Variants in LRP1B observed in about 807,000 individuals in gnomAD.
LRP1B encodes the protein LDL receptor related protein 1B, also known as low-density lipoprotein receptor-related protein 1B.
Under a neutral mutation model 556.6 loss-of-function variants are expected in LRP1B, and 217 were observed. The ratio of observed to expected loss-of-function variants is 0.39; its 90% CI spans 0.35 to 0.44. The LOEUF is 0.44. Among genes scored for constraint, LRP1B ranks in the 20% least tolerant of loss-of-function variants. The pLI, the probability that LRP1B is intolerant of heterozygous loss-of-function variation, is 1.00. For missense variants in LRP1B, 5,053 were observed against 5,620.8 expected (o/e 0.90, Z 3.23); for synonymous variants, 2,047 against 1,865.8 (o/e 1.10, Z -2.50).
chr2:141,256,985 T>C (rs897987869), intron 3 of LRP1B, among the ~76,000 whole-genome samples: 3 of 151,848 alleles, frequency 2.0e-5, no homozygotes, highest in African/African-American at 4.8e-5. Context: ...CGATAAGAAC[T>C]ACCACCAAGA....
Position 141,569,111 on chromosome 2 carries a change from T to C in LRP1B, c.206-88578A>G, listed in dbSNP as rs1054023639. On this transcript the variant is annotated intron_variant, in intron 2 of 90. Coordinates refer to ENST00000389484, the MANE Select transcript of LRP1B (RefSeq NM_018557.3). Reference sequence around the variant, plus strand: ...CAAATGTATGTAAGGCACTATGCTATCTAATTGGAGAAAGGAAAGTAAATC... The same window carrying C: ...CAAATGTATGTAAGGCACTATGCTACCTAATTGGAGAAAGGAAAGTAAATC... Among the ~76,000 whole-genome samples the C allele has an allele frequency of 2.6e-5, 4 of 151,000 alleles. 2 individuals are homozygous for C. Among genetic ancestry groups the C allele is most frequent in the Non-Finnish European group, 5.9e-5 (4 of 67,396 alleles).
At chr2:142,033,666 G>C (rs1034529633) in intron 1 of LRP1B, among the ~76,000 whole-genome samples, 5 of 151,628 alleles carry the variant, frequency 3.3e-5, no homozygotes, top group African/African-American at 1.2e-4. Flanking sequence ...GTTTAGGTAG[G>C]GGTATGTATC....
chr2:141,443,426 T>G (rs1265279742), intron 3 of LRP1B, among the ~76,000 whole-genome samples: 1 of 152,166 alleles, frequency 6.6e-6, no homozygotes, highest in Non-Finnish European at 1.5e-5. Flanking sequence ...CAGGAGCTCT[T>G]TAGTTGAATT....
At chr2:141,912,413 A>C (rs1241898468) in intron 1 of LRP1B, among the ~76,000 whole-genome samples, 10 of 152,306 alleles carry the variant, frequency 6.6e-5, no homozygotes, top group Non-Finnish European at 2.9e-5. Flanking sequence ...AATAATGATC[A>C]ACACTATCGC....
chr2:141,074,559 C>T (rs549554208), intron 7 of LRP1B, among the ~76,000 whole-genome samples: 11 of 72,116 alleles, frequency 1.5e-4, no homozygotes, highest in Non-Finnish European at 3.1e-4. Context: ...CTTTCTCTTT[C>T]TGTCTCTCTG....
intron 2 of LRP1B, among the ~76,000 whole-genome samples, chr2:141,567,493 T>C (rs1313331540): frequency 6.6e-6 from 1 of 152,172 alleles, no homozygotes; most frequent in Non-Finnish European, 1.5e-5. Flanking sequence ...GGTTTCCTAA[T>C]GACATCTTAA....
Position 140,481,296 on chromosome 2 carries a change from A to AAATCC in LRP1B, c.9425+4046_9425+4047insGGATT, listed in dbSNP as rs1688227926. ...TTTGCACAACATGTTTATGATCCAC[A>AAATCC]ATTATTTTGTTACTGGAAACTCTGA... On this transcript the variant is annotated intron_variant, in intron 59 of 90. Coordinates refer to ENST00000389484, the MANE Select transcript of LRP1B (RefSeq NM_018557.3). Among the ~76,000 whole-genome samples the AAATCC allele has an allele frequency of 3.3e-5, 5 of 152,192 alleles. No individual in the cohort carries two copies. The South Asian group carries it at 1.0e-3, about 32-fold the overall frequency.
In LRP1B at chr2:142,001,631, T is replaced by C. The variant is rs554076766; in HGVS notation, c.82+129017A>G. On this transcript the variant is annotated intron_variant, in intron 1 of 90. Coordinates refer to ENST00000389484, the MANE Select transcript of LRP1B (RefSeq NM_018557.3). ...TTCTCTTGAAATACAGCAAAGTTCA[T>C]TGGAGACATACTGCAACCTATTTAC... is the stretch of plus-strand genomic sequence containing the variant. Among the ~76,000 whole-genome samples the C allele has an allele frequency of 2.0e-4, 31 of 152,310 alleles. No individual in the cohort carries two copies. The South Asian group carries it at 2.1e-3, about 10-fold the overall frequency.
chr2:141,941,383 C>G (rs1700798594), intron 1 of LRP1B, among the ~76,000 whole-genome samples: 1 of 152,192 alleles, frequency 6.6e-6, no homozygotes. Flanking sequence ...AGGCTCATCA[C>G]TGCCCTTAGG....
At chr2:140,738,751 CACAG>C (rs1441955539) in intron 35 of LRP1B, among the ~76,000 whole-genome samples, 3 of 152,142 alleles carry the variant, frequency 2.0e-5, no homozygotes, top group Admixed American at 6.5e-5. Context: ...CATCTTTACT[CACAG>C]ACACTCTCCC....
chr2:141,170,265 G>T (rs1035409591), intron 7 of LRP1B, among the ~76,000 whole-genome samples: 1 of 152,046 alleles, frequency 6.6e-6, no homozygotes, highest in Non-Finnish European at 1.5e-5. Context: ...GGCTCTCATG[G>T]CTCTACTTTC....
chr2:141,804,138 A>C lies in LRP1B; in HGVS notation c.205+6141T>G, dbSNP rs1490932447. On this transcript the variant is annotated intron_variant, in intron 2 of 90. Coordinates refer to ENST00000389484, the MANE Select transcript of LRP1B (RefSeq NM_018557.3). ...TGGCCTTCCATAATTTTCAAATGAC[A>C]ATGTATTTTTAAATTAGGTAGCCTG... 2.0e-5 allele frequency among the ~76,000 whole-genome samples: 3 copies of C among 152,220 alleles called. No homozygotes were observed. In the South Asian group the frequency reaches 6.2e-4, roughly 32 times the overall value.
intron 7 of LRP1B, among the ~76,000 whole-genome samples, chr2:141,082,881 T>C (rs959794747): frequency 6.6e-6 from 1 of 152,232 alleles, no homozygotes; most frequent in African/African-American, 2.4e-5. Context: ...CACCCTGTAA[T>C]GAGCATGGGC....
chr2:141,916,232 A>G (rs559532118), intron 1 of LRP1B, among the ~76,000 whole-genome samples: 150 of 152,278 alleles, frequency 9.9e-4, no homozygotes, highest in African/African-American at 3.5e-3. Flanking sequence ...ACCACCGGAT[A>G]CTACCCAGCC....
At chr2:140,344,218 A>G (rs1456832771) in intron 77 of LRP1B, among the ~76,000 whole-genome samples, 1 of 151,776 alleles carries the variant, frequency 6.6e-6, no homozygotes, top group African/African-American at 2.4e-5. Context: ...AGTATAAGGA[A>G]TCGTTTTCAC....
intron 2 of LRP1B, among the ~76,000 whole-genome samples, chr2:141,508,147 T>A (rs1194348435): frequency 6.6e-6 from 1 of 151,474 alleles, no homozygotes; most frequent in Non-Finnish European, 1.5e-5. Context: ...GTCTTTGGAA[T>A]GTATGATGTC....
intron 7 of LRP1B, among the ~76,000 whole-genome samples, chr2:141,095,934 C>A (rs537393254): frequency 6.6e-6 from 1 of 152,188 alleles, no homozygotes; most frequent in Non-Finnish European, 1.5e-5. Flanking sequence ...AGATATCAAA[C>A]AATTGTATCT....
chr2:140,405,366 G>A (rs571114801), intron 66 of LRP1B, among the ~76,000 whole-genome samples: 3 of 151,880 alleles, frequency 2.0e-5, no homozygotes, highest in South Asian at 2.1e-4. Flanking sequence ...AACAAAAATC[G>A]GAGCAGAATT....
In LRP1B at chr2:140,842,367, G is replaced by T. The variant is rs891273; in HGVS notation, c.4940-1275C>A. Among the ~76,000 whole-genome samples the T allele has an allele frequency of 5.3e-5, 8 of 152,032 alleles. 1 individual carries two copies. Among genetic ancestry groups the T allele is most frequent in the South Asian group, 2.1e-4 (1 of 4,826 alleles). On this transcript the variant is annotated intron_variant, in intron 29 of 90. Coordinates refer to ENST00000389484, the MANE Select transcript of LRP1B (RefSeq NM_018557.3). ...TTACATTTCCATGCCAGAATCTCAA[G>T]GGAGCCTACCTTGCTGCTCAAAAAT...
Sources: gnomAD v4.1 joint callset for allele counts (sites outside exome capture counted in the v4.1 genomes callset) on GRCh38, gnomAD v4.1.1 for gene constraint, MANE v1.5 for transcripts, NCBI Gene and HGNC (gene_info 2026-07-23, HGNC 2026-07-21) for gene names.